The following ZNF644 variants were observed in gnomAD, a reference collection of about 807,000 sequenced individuals.
The protein encoded by ZNF644 is zinc finger protein 644.
Under a neutral mutation model 108.0 loss-of-function variants are expected in ZNF644, and 20 were observed. The observed-to-expected ratio is 0.19, with a 90% CI of 0.13 to 0.27. The LOEUF is 0.27. Among genes scored for constraint, ZNF644 ranks in the 10% least tolerant of loss-of-function variants. The pLI is 1.00. For missense variants in ZNF644, 1,338 were observed against 1,548.9 expected, an observed-to-expected ratio of 0.86 and a Z score of 2.29; for synonymous variants, 542 against 539.1, an observed-to-expected ratio of 1.01 and a Z score of -0.08.
At chr1:90,944,058 G>A (rs1652278540) in intron 2 of ZNF644, among the ~76,000 whole-genome samples, 1 of 152,158 alleles carries the variant, frequency 6.6e-6, no homozygotes. Flanking sequence ...TCAACAGGAA[G>A]CAATGTTGCT....
intron 4 of ZNF644, among the ~76,000 whole-genome samples, chr1:90,922,651 C>G (rs1166758413): frequency 6.6e-6 from 1 of 151,904 alleles, no homozygotes; most frequent in Non-Finnish European, 1.5e-5. Flanking sequence ...GGTAAATTGT[C>G]ACGGGAGTTG....
At chr1:90,922,299 G>A (rs550744257) in intron 4 of ZNF644, among the ~76,000 whole-genome samples, 11 of 152,256 alleles carry the variant, frequency 7.2e-5, no homozygotes, top group African/African-American at 1.7e-4. Flanking sequence ...CTAGGACAAA[G>A]TGAAACAACT....
Position 91,017,738 on chromosome 1 carries a change from A to G in ZNF644, c.-18+4252T>C, listed in dbSNP as rs1042211208. ...GCACTTTGGGAGGCCAAGGCGGGTG[A>G]ATCACCTGAGGTCAGGAGTTCGAGA... On this transcript the variant is annotated intron_variant, in intron 1 of 5. Coordinates refer to ENST00000337393, the MANE Select transcript of ZNF644 (RefSeq NM_201269.3). Among the ~76,000 whole-genome samples, 4 of 152,228 alleles carry G rather than the reference A, an allele frequency of 2.6e-5. 1 individual carries two copies. Among genetic ancestry groups the G allele is most frequent in the Admixed American group, 6.5e-5 (1 of 15,294 alleles).
intron 1 of ZNF644, among the ~76,000 whole-genome samples, chr1:90,992,583 C>T (rs1657750280): frequency 6.6e-6 from 1 of 152,122 alleles, no homozygotes. Flanking sequence ...TTTGTACCTG[C>T]CCCAATTTCT....
rs1235609732 is a variant in ZNF644 at position 90,915,788 on chromosome 1, T to C, written c.*1010A>G. The C allele has an allele frequency of 6.6e-6, 1 of 152,618 alleles. No homozygotes were observed. Among genetic ancestry groups the C allele is most frequent in the Non-Finnish European group, 1.5e-5 (1 of 67,994 alleles). 9.5% of individuals were successfully genotyped at this position (152,618 alleles called of 1,614,324 possible). On this transcript the variant is annotated 3_prime_UTR_variant, in exon 6 of 6. Coordinates refer to ENST00000337393, the MANE Select transcript of ZNF644 (RefSeq NM_201269.3). ...AACATTCTCATATGTAGAAATATTT[T>C]AATTGGTGTATTAAGTTTTGCTAAC...
chr1:90,978,678 A>G (rs886458173), intron 2 of ZNF644, among the ~76,000 whole-genome samples: 1 of 152,172 alleles, frequency 6.6e-6, no homozygotes, highest in African/African-American at 2.4e-5. Context: ...AATGAAGACG[A>G]AGACTCTGCA....
intron 2 of ZNF644, among the ~76,000 whole-genome samples, chr1:90,950,850 G>A (rs932233993): frequency 2.0e-5 from 3 of 152,054 alleles, no homozygotes; most frequent in African/African-American, 7.2e-5. Flanking sequence ...CTCAACTTCC[G>A]TAAGTACTCT....
At chr1:90,997,571 G>A (rs1261141181) in intron 1 of ZNF644, among the ~76,000 whole-genome samples, 2 of 152,034 alleles carry the variant, frequency 1.3e-5, no homozygotes, top group Admixed American at 1.3e-4. Flanking sequence ...AAAAGGGGAG[G>A]GGGGCGGTTC....
At chr1:90,962,050 G>A (rs1393607384) in intron 2 of ZNF644, among the ~76,000 whole-genome samples, 2 of 152,192 alleles carry the variant, frequency 1.3e-5, no homozygotes, top group East Asian at 3.9e-4. Context: ...AAGGGATCCT[G>A]AGAAGAAAGA....
chr1:90,987,511 A>C (rs538750929), intron 1 of ZNF644, among the ~76,000 whole-genome samples: 1 of 152,232 alleles, frequency 6.6e-6, no homozygotes, highest in African/African-American at 2.4e-5. Context: ...GCCTATAACT[A>C]GTAAACAGAG....
At chr1:90,982,628 T>TA (rs888283397) in intron 1 of ZNF644, among the ~76,000 whole-genome samples, 10 of 151,612 alleles carry the variant, frequency 6.6e-5, no homozygotes, top group South Asian at 2.1e-4. Flanking sequence ...TTCTTTTTTT[T>TA]AAAAAAAATT....
At chr1:91,005,850 A>T (rs1360047815) in intron 1 of ZNF644, among the ~76,000 whole-genome samples, 1 of 152,148 alleles carries the variant, frequency 6.6e-6, no homozygotes, top group Non-Finnish European at 1.5e-5. Context: ...ATTTTCTAAG[A>T]AATTAGAAAA....
At chr1:90,922,162 G>A (rs1269802631) in intron 4 of ZNF644, among the ~76,000 whole-genome samples, 1 of 152,056 alleles carries the variant, frequency 6.6e-6, no homozygotes. Context: ...GAACTTCTTT[G>A]ATAAAGCACA....
intron 1 of ZNF644, among the ~76,000 whole-genome samples, chr1:91,010,534 A>G (rs1398883812): frequency 1.3e-5 from 2 of 151,384 alleles, no homozygotes; most frequent in Admixed American, 1.3e-4. Flanking sequence ...CTTTTTTAAC[A>G]TGCTCTTCCC....
At chr1:90,972,515 G>A (rs1655600345) in intron 2 of ZNF644, among the ~76,000 whole-genome samples, 1 of 152,164 alleles carries the variant, frequency 6.6e-6, no homozygotes, top group Non-Finnish European at 1.5e-5. Flanking sequence ...TGCACTGTTG[G>A]TGGGAATGTC....
chr1:90,978,352 TA>T (rs59090395), intron 2 of ZNF644, among the ~76,000 whole-genome samples: 4,082 of 133,684 alleles, frequency 0.031, 63 homozygotes, highest in African/African-American at 0.055. Flanking sequence ...AACTTTGTCT[TA>T]AAAAAAAAAA....
At chr1:90,930,842 T>C (rs1650651237) in intron 4 of ZNF644, among the ~76,000 whole-genome samples, 1 of 152,228 alleles carries the variant, frequency 6.6e-6, no homozygotes, top group Non-Finnish European at 1.5e-5. Context: ...AAAAGCATTG[T>C]GGCATTCATC....
intron 2 of ZNF644, among the ~76,000 whole-genome samples, chr1:90,966,068 T>G (rs751744312): frequency 1.2e-4 from 19 of 152,046 alleles, no homozygotes; most frequent in Non-Finnish European, 2.2e-4. Flanking sequence ...TCTTTCTCAA[T>G]GTACTCATAT....
At chr1:90,996,597 C>A (rs1359852979) in intron 1 of ZNF644, among the ~76,000 whole-genome samples, 1 of 152,100 alleles carries the variant, frequency 6.6e-6, no homozygotes, top group Non-Finnish European at 1.5e-5. Context: ...CCAGTCTGGG[C>A]AACATGGTGG....
Sources: allele counts gnomAD v4.1 joint callset (sites outside exome capture counted in the v4.1 genomes callset), GRCh38; gene constraint gnomAD v4.1.1; transcripts MANE v1.5; gene names NCBI Gene and HGNC (gene_info 2026-07-23, HGNC 2026-07-21).